The following ZMYM2 variants were observed in gnomAD, a reference collection of about 807,000 sequenced individuals.
The protein encoded by ZMYM2 is zinc finger MYM-type containing 2.
ZMYM2 carries 56 observed loss-of-function variants against 162.8 expected under a neutral mutation model. The observed-to-expected ratio is 0.34, with a 90% CI of 0.28 to 0.43. ZMYM2 has a LOEUF of 0.43. Among genes scored for constraint, ZMYM2 ranks in the 20% least tolerant of loss-of-function variants. The pLI is 1.00. For missense variants in ZMYM2, 1,275 were observed against 1,621.8 expected (o/e 0.79, Z 3.67); for synonymous variants, 510 against 541.6 (o/e 0.94, Z 0.81).
the ZMYM2 span, among the ~76,000 whole-genome samples, chr13:19,890,744 T>G: frequency 6.6e-6 from 1 of 151,368 alleles, no homozygotes. Context: ...TGGTGGCAGG[T>G]GCCTGTAGTC....
intron 2 of ZMYM2, among the ~76,000 whole-genome samples, chr13:19,968,698 C>A (rs1469734657): frequency 6.6e-6 from 1 of 152,220 alleles, no homozygotes; most frequent in Non-Finnish European, 1.5e-5. Flanking sequence ...ATTCTTGACT[C>A]CATTGTAGCC....
rs1323622714 is a variant in ZMYM2, at chr13:19,993,782, T to C, written c.710T>C (p.Phe237Ser). The change falls in exon 3 of 25, where the codon TTT becomes TCT. Residue 237 changes from phenylalanine (F) to serine (S), a missense_variant. By Grantham distance (155) the Phe-to-Ser change is radical. Transcript: ENST00000610343. ...TCTAACGGACTGCAGTCAAGTAATT[T>C]TGGTGTTAATATACAAACATACACC... ...DVSNGLQSSN[F>S]GVNIQTYTPS... 5.0e-6 allele frequency: 8 copies of C among 1,614,078 alleles called. No homozygotes were observed. The Admixed American group carries it at 6.7e-5, about 13-fold the overall frequency.
At chr13:19,924,878 C>CTTTT in the ZMYM2 span, among the ~76,000 whole-genome samples, 1 of 136,772 alleles carries the variant, frequency 7.3e-6, no homozygotes, top group African/African-American at 2.7e-5. Context: ...TTTATTGAAA[C>CTTTT]TTTTTTTTTT....
chr13:19,883,945 CG>C, the ZMYM2 span, among the ~76,000 whole-genome samples: 1 of 152,124 alleles, frequency 6.6e-6, no homozygotes, highest in Admixed American at 6.6e-5. Flanking sequence ...TTAGTACAGA[CG>C]GGGTTTCACC....
intron 21 of ZMYM2, among the ~76,000 whole-genome samples, chr13:20,076,756 TAATTA>T (rs1490119650): frequency 6.6e-6 from 1 of 150,728 alleles, no homozygotes; most frequent in Non-Finnish European, 1.5e-5. Context: ...AGTTTTCAAA[TAATTA>T]AATTCTATTA....
chr13:19,957,449 G>T (rs930023736), upstream of ZMYM2, among the ~76,000 whole-genome samples: 5 of 152,228 alleles, frequency 3.3e-5, no homozygotes, highest in African/African-American at 7.2e-5. Flanking sequence ...CCATCTTTAC[G>T]TGAGTCTTGG....
chr13:19,920,489 G>C, the ZMYM2 span, among the ~76,000 whole-genome samples: 1 of 151,606 alleles, frequency 6.6e-6, no homozygotes, highest in East Asian at 1.9e-4. Flanking sequence ...GGGTAAAAGG[G>C]AGGAAGGGAG....
At chr13:20,007,601 T>A (rs1950843576) in intron 6 of ZMYM2, among the ~76,000 whole-genome samples, 1 of 150,844 alleles carries the variant, frequency 6.6e-6, no homozygotes, top group Non-Finnish European at 1.5e-5. Flanking sequence ...GAAGGTTATA[T>A]GAACTTTCTC....
chr13:19,917,311 G>A, the ZMYM2 span, among the ~76,000 whole-genome samples: 1 of 151,980 alleles, frequency 6.6e-6, no homozygotes, highest in Non-Finnish European at 1.5e-5. Flanking sequence ...TATCACGGCC[G>A]GGTGCAGTGG....
chr13:19,975,230 G>A (rs1389000858), intron 2 of ZMYM2, among the ~76,000 whole-genome samples: 2 of 149,810 alleles, frequency 1.3e-5, no homozygotes, highest in Non-Finnish European at 3.0e-5. Flanking sequence ...CATTTTTAAG[G>A]GTACACAATT....
chr13:19,883,704 T>C, the ZMYM2 span, among the ~76,000 whole-genome samples: 54 of 152,206 alleles, frequency 3.5e-4, no homozygotes, highest in Non-Finnish European at 7.2e-4. Context: ...GAATTAAACA[T>C]GTGTAAGACA....
At chr13:20,050,594 A>G (rs539122485) in intron 12 of ZMYM2, among the ~76,000 whole-genome samples, 52 of 152,162 alleles carry the variant, frequency 3.4e-4, no homozygotes, top group African/African-American at 1.3e-3. Flanking sequence ...CTGTATTTGA[A>G]GATACATCAC....
At chr13:20,018,468 A>G (rs1951799285) in intron 6 of ZMYM2, among the ~76,000 whole-genome samples, 2 of 152,202 alleles carry the variant, frequency 1.3e-5, no homozygotes, top group Admixed American at 6.5e-5. Flanking sequence ...AAATTGTATC[A>G]TAATCCTTCC....
chr13:19,910,471 A>G, the ZMYM2 span, among the ~76,000 whole-genome samples: 1 of 151,968 alleles, frequency 6.6e-6, no homozygotes, highest in Non-Finnish European at 1.5e-5. Flanking sequence ...TGGATTTGTC[A>G]TTCAAGACTT....
the ZMYM2 span, among the ~76,000 whole-genome samples, chr13:19,938,446 C>T: frequency 6.6e-6 from 1 of 152,046 alleles, no homozygotes; most frequent in South Asian, 2.1e-4. Flanking sequence ...TGCAGTGAGC[C>T]GAGATTGCAC....
intron 12 of ZMYM2, among the ~76,000 whole-genome samples, chr13:20,050,604 C>T (rs1043885294): frequency 2.6e-5 from 4 of 151,878 alleles, no homozygotes; most frequent in Non-Finnish European, 5.9e-5. Context: ...AGATACATCA[C>T]TTATATTTTC....
the ZMYM2 span, among the ~76,000 whole-genome samples, chr13:19,892,948 C>A: frequency 6.6e-6 from 1 of 151,012 alleles, no homozygotes; most frequent in Admixed American, 6.6e-5. Flanking sequence ...CTCATGACCT[C>A]GTGTTCCGCC....
chr13:19,962,964 G>A (rs1419272694), intron 2 of ZMYM2, among the ~76,000 whole-genome samples: 2 of 151,926 alleles, frequency 1.3e-5, no homozygotes, highest in Non-Finnish European at 2.9e-5. Context: ...GGGACTACAG[G>A]CACGTGCCAC....
At chr13:19,947,720 C>T in the ZMYM2 span, among the ~76,000 whole-genome samples, 4 of 151,776 alleles carry the variant, frequency 2.6e-5, no homozygotes, top group Admixed American at 1.3e-4. Flanking sequence ...TCTCGAATTC[C>T]TAACTTCAGG....
Sources: gnomAD v4.1 joint callset for allele counts (sites outside exome capture counted in the v4.1 genomes callset) on GRCh38, gnomAD v4.1.1 for gene constraint, MANE v1.5 for transcripts, NCBI Gene and HGNC (gene_info 2026-07-23, HGNC 2026-07-21) for gene names.